Variants in TLL1 observed in about 807,000 individuals in gnomAD.
TLL1 encodes tolloid like 1.
In TLL1, 49 loss-of-function variants were observed where a neutral mutation model predicts 128.2. That is an observed-to-expected ratio of 0.38 (90% CI 0.30 to 0.48). The LOEUF is 0.48. Among genes scored for constraint, TLL1 ranks in the 20% least tolerant of loss-of-function variants. The pLI is 0.96. For synonymous variants in TLL1, 454 were observed against 418.8 expected (o/e 1.08, Z -1.03); for missense variants, 1,123 against 1,242.0 (o/e 0.90, Z 1.44).
At chr4:165,962,772 A>G (rs1246189375) in intron 1 of TLL1, among the ~76,000 whole-genome samples, 3 of 152,136 alleles carry the variant, frequency 2.0e-5, no homozygotes, top group Admixed American at 2.0e-4. Context: ...ACATGGATGC[A>G]GCTGGAGGCA....
At chr4:166,078,132 C>A in intron 18 of TLL1, 102 bp downstream of exon 18, 1 of 1,548,776 alleles carries the variant, frequency 6.5e-7, no homozygotes, top group South Asian at 1.1e-5. Context: ...TGAATCGAAT[C>A]GTAGGCAGCT....
chr4:165,898,833 A>G (rs6813450), intron 1 of TLL1, among the ~76,000 whole-genome samples: 1,792 of 152,268 alleles, frequency 0.012, 32 homozygotes, highest in African/African-American at 0.04. Flanking sequence ...CTCTGGAAGA[A>G]TTTGGCTGTG....
At position 166,057,297 on chromosome 4, in the gene TLL1, A is replaced by C. The variant is rs1740064615; in HGVS notation, c.1834A>C (p.Arg612=). 2 of 1,613,744 alleles carry C rather than the reference A, an allele frequency of 1.2e-6. No homozygotes were observed. Among genetic ancestry groups the C allele is most frequent in the Non-Finnish European group, 1.7e-6 (2 of 1,179,934 alleles). ...EPGYELGPDR[R]SCEAACGGLL... The stretch of plus-strand genomic sequence containing the variant: ...TGGCTATGAGCTGGGCCCAGACAGA[A>C]GGAGCTGTGAAGGTATGACTGCACT... Residue 612 remains arginine, a synonymous_variant, in exon 14 of 21, where the codon AGG becomes CGG. Coordinates refer to ENST00000061240, the MANE Select transcript of TLL1 (RefSeq NM_012464.5).
chr4:166,006,939 A>G (rs967958274), intron 6 of TLL1, among the ~76,000 whole-genome samples: 1 of 151,622 alleles, frequency 6.6e-6, no homozygotes, highest in African/African-American at 2.4e-5. Flanking sequence ...GGATCTTTTT[A>G]TATTTGATTG....
intron 5 of TLL1, among the ~76,000 whole-genome samples, chr4:165,996,282 C>T (rs550282240): frequency 9.2e-5 from 14 of 152,174 alleles, no homozygotes; most frequent in African/African-American, 2.6e-4. Flanking sequence ...CTACTTTACA[C>T]GTAGGCGATC....
At chr4:166,046,979 A>AT (rs201204505) in intron 12 of TLL1, among the ~76,000 whole-genome samples, 1 of 151,906 alleles carries the variant, frequency 6.6e-6, no homozygotes, top group Non-Finnish European at 1.5e-5. Context: ...GTTTATATCA[A>AT]TTTTTTTGTT....
intron 16 of TLL1, among the ~76,000 whole-genome samples, chr4:166,067,499 T>C (rs929012970): frequency 1.3e-5 from 2 of 151,790 alleles, no homozygotes; most frequent in African/African-American, 4.8e-5. Context: ...TGAGCATATA[T>C]GGTCTTTATT....
intron 9 of TLL1, among the ~76,000 whole-genome samples, chr4:166,036,135 T>G (rs1008374173): frequency 6.6e-6 from 1 of 151,926 alleles, no homozygotes; most frequent in East Asian, 1.9e-4. Flanking sequence ...TTTGTTTAGG[T>G]AGCCAATAAT....
chr4:165,956,048 A>G (rs1004624523), intron 1 of TLL1, among the ~76,000 whole-genome samples: 9 of 152,122 alleles, frequency 5.9e-5, no homozygotes, highest in Non-Finnish European at 2.9e-5. Context: ...AACAGGGAGT[A>G]GATACAAAGA....
At chr4:166,022,787 T>C (rs563592082) in intron 8 of TLL1, among the ~76,000 whole-genome samples, 4 of 152,218 alleles carry the variant, frequency 2.6e-5, no homozygotes, top group Admixed American at 6.5e-5. Flanking sequence ...AGAAGGAACA[T>C]ACATATGGAT....
intron 1 of TLL1, among the ~76,000 whole-genome samples, chr4:165,955,873 C>T (rs1304619617): frequency 6.6e-6 from 1 of 151,930 alleles, no homozygotes; most frequent in African/African-American, 2.4e-5. Flanking sequence ...TTCTATTTTC[C>T]ATAAGTGTTG....
At chr4:166,007,062 T>C (rs966991063) in intron 6 of TLL1, among the ~76,000 whole-genome samples, 6 of 151,862 alleles carry the variant, frequency 4.0e-5, no homozygotes, top group African/African-American at 1.2e-4. Flanking sequence ...TGTATTTTGA[T>C]GTTTCAAAGC....
At chr4:165,928,298 G>A (rs529024038) in intron 1 of TLL1, among the ~76,000 whole-genome samples, 4 of 152,206 alleles carry the variant, frequency 2.6e-5, no homozygotes, top group South Asian at 2.1e-4. Flanking sequence ...ATGTCTAAAC[G>A]CCTGAATCTA....
intron 12 of TLL1, among the ~76,000 whole-genome samples, chr4:166,054,047 A>G (rs1739884244): frequency 6.6e-6 from 1 of 152,148 alleles, no homozygotes. Flanking sequence ...ATAGTTCCCC[A>G]TAAAGTGTCA....
At chr4:166,005,690 C>T (rs926032406) in intron 6 of TLL1, among the ~76,000 whole-genome samples, 4 of 151,858 alleles carry the variant, frequency 2.6e-5, no homozygotes, top group African/African-American at 9.7e-5. Context: ...TCAACTACCA[C>T]ATAAATGAGA....
intron 9 of TLL1, among the ~76,000 whole-genome samples, chr4:166,028,568 A>G (rs184619320): frequency 3.0e-4 from 46 of 152,128 alleles, no homozygotes; most frequent in Admixed American, 2.8e-3. Flanking sequence ...TGTTTATCAG[A>G]TATTTACAAA....
chr4:165,930,682 G>A (rs1460897676), intron 1 of TLL1, among the ~76,000 whole-genome samples: 2 of 152,258 alleles, frequency 1.3e-5, no homozygotes, highest in Middle Eastern at 3.4e-3. Flanking sequence ...CTGCAATTGA[G>A]ATCAGTTCTC....
At chr4:165,964,929 C>T (rs184145066) in intron 1 of TLL1, among the ~76,000 whole-genome samples, 3 of 151,580 alleles carry the variant, frequency 2.0e-5, no homozygotes, top group East Asian at 1.9e-4. Context: ...AGAGTAAGAC[C>T]GTGTCTCAAA....
At chr4:166,043,490 A>G (rs751977080) in intron 12 of TLL1, 71 bp downstream of exon 12, 33 of 1,596,106 alleles carry the variant, frequency 2.1e-5, no homozygotes, top group African/African-American at 8.0e-5. Flanking sequence ...GAGAATCCTC[A>G]TTAAATCAGC....
Sources: allele counts gnomAD v4.1 joint callset (sites outside exome capture counted in the v4.1 genomes callset), GRCh38; gene constraint gnomAD v4.1.1; transcripts MANE v1.5; gene names NCBI Gene and HGNC (gene_info 2026-07-23, HGNC 2026-07-21).